The following PRH1 variants were observed in gnomAD, a reference collection of about 807,000 sequenced individuals.
PRH1 encodes the protein salivary acidic proline-rich phosphoprotein 1/2.
In PRH1, 7 loss-of-function variants were observed where a neutral mutation model predicts 7.9. That is an observed-to-expected ratio of 0.89 (90% CI 0.50 to 1.67). The LOEUF (loss-of-function observed/expected upper bound fraction) is 1.67. Ranked by LOEUF, PRH1 falls within the 40% of genes most tolerant of loss-of-function variation. The pLI, the probability that PRH1 is intolerant of heterozygous loss-of-function variation, is 0.00. For missense variants in PRH1, 109 were observed against 223.6 expected, an observed-to-expected ratio of 0.49 and a Z score of 3.27; for synonymous variants, 45 against 80.8, an observed-to-expected ratio of 0.56 and a Z score of 2.38.
chr12:10,951,277 C>A (rs1210488794), intron 2 of PRH1, among the ~76,000 whole-genome samples: 1 of 152,078 alleles, frequency 6.6e-6, no homozygotes, highest in Non-Finnish European at 1.5e-5. Flanking sequence ...TTGTGTTCAG[C>A]AACATCACTT....
intron 2 of PRH1, chr12:10,909,546 T>C (rs1949864731): frequency 2.3e-6 from 1 of 430,524 alleles, no homozygotes; most frequent in Non-Finnish European, 4.2e-6. Context: ...GATATTTATG[T>C]CTTCACCATG....
chr12:11,162,649 TCTC>T (rs1947449361), intron 1 of PRH1, among the ~76,000 whole-genome samples: 1 of 152,138 alleles, frequency 6.6e-6, no homozygotes, highest in Non-Finnish European at 1.5e-5. Context: ...AAATCCTTGT[TCTC>T]CTCTTCCTGA....
At chr12:11,028,250 T>G (rs1173591191) in intron 1 of PRH1, among the ~76,000 whole-genome samples, 1 of 152,192 alleles carries the variant, frequency 6.6e-6, no homozygotes, top group Non-Finnish European at 1.5e-5. Context: ...CAATAGGAAA[T>G]AGAAGACTAA....
At chr12:11,092,348 G>A (rs1944951592) in intron 1 of PRH1, 3 of 552,212 alleles carry the variant, frequency 5.4e-6, no homozygotes, top group Non-Finnish European at 9.6e-6. Context: ...CACGGTGAGT[G>A]TTGCTGCTCT....
At chr12:10,924,406 G>A (rs529138442) in intron 2 of PRH1, among the ~76,000 whole-genome samples, 1 of 152,222 alleles carries the variant, frequency 6.6e-6, no homozygotes, top group Non-Finnish European at 1.5e-5. Flanking sequence ...CCTGGACTTA[G>A]TGGATAGTCT....
chr12:11,015,075 G>C (rs2900577), intron 1 of PRH1, among the ~76,000 whole-genome samples: 112,932 of 152,080 alleles, frequency 0.74, 44,407 homozygotes, highest in East Asian at 0.96. Flanking sequence ...AGAGAGAAAA[G>C]GGTAGAAAAC....
intron 2 of PRH1, chr12:10,908,852 G>A: frequency 3.1e-6 from 5 of 1,613,254 alleles, no homozygotes; most frequent in Admixed American, 1.7e-5. Flanking sequence ...TTATATGCAT[G>A]TTTATTTGTA....
chr12:10,903,223 AAC>A (rs1949748271), intron 2 of PRH1, among the ~76,000 whole-genome samples: 1 of 152,152 alleles, frequency 6.6e-6, no homozygotes, highest in Non-Finnish European at 1.5e-5. Context: ...TATAAGATAA[AAC>A]AGATTTTAAA....
chr12:10,917,231 A>G (rs570344094), intron 2 of PRH1, among the ~76,000 whole-genome samples: 15 of 152,272 alleles, frequency 9.9e-5, no homozygotes, highest in African/African-American at 3.6e-4. Flanking sequence ...AGTTAATACC[A>G]CCATGAAAAT....
intron 1 of PRH1, chr12:11,046,918 C>T (rs1035298642): frequency 4.7e-5 from 20 of 426,882 alleles, no homozygotes; most frequent in African/African-American, 8.1e-5. Context: ...TGGCATCATC[C>T]GGAGATGATA....
rs1475180750 is a variant in PRH1 at position 11,123,165 on chromosome 12, A to AT, written n.40-1986dup. On this transcript the variant is annotated intron_variant and non_coding_transcript_variant, in intron 1 of 1. Transcript: ENST00000541175. ...AATCACATGGTTGCATGTACATGTG[A>AT]TTCATTTATTTTCACTTCTGTATAT... Among the ~76,000 whole-genome samples the AT allele has an allele frequency of 4.1e-5, 6 of 145,836 alleles. No homozygotes were observed. The East Asian group carries it at 9.2e-4, about 22-fold the overall frequency.
chr12:11,122,731 G>A (rs1945952702), intron 1 of PRH1, among the ~76,000 whole-genome samples: 1 of 152,236 alleles, frequency 6.6e-6, no homozygotes, highest in South Asian at 2.1e-4. Context: ...TTTCCCTTCA[G>A]TATATAATGA....
intron 1 of PRH1, among the ~76,000 whole-genome samples, chr12:11,007,149 A>T (rs1940870257): frequency 6.6e-6 from 1 of 152,076 alleles, no homozygotes; most frequent in African/African-American, 2.4e-5. Flanking sequence ...TTATTTTTTA[A>T]TGCTAGATTT....
intron 2 of PRH1, chr12:10,939,003 A>C (rs533081426): frequency 1.9e-6 from 3 of 1,613,748 alleles, no homozygotes; most frequent in East Asian, 2.2e-5. Context: ...AAAAACACAG[A>C]CACACACCAG....
chr12:11,102,336 A>T (rs78266213), intron 1 of PRH1, among the ~76,000 whole-genome samples: 32,158 of 152,182 alleles, frequency 0.21, 3,996 homozygotes, highest in Non-Finnish European at 0.27. Context: ...TGCTGGTACC[A>T]AAACAGAGAT....
intron 2 of PRH1, among the ~76,000 whole-genome samples, chr12:10,963,483 T>G (rs11054089): frequency 0.24 from 37,028 of 152,150 alleles, 4,565 homozygotes; most frequent in Non-Finnish European, 0.25. Flanking sequence ...TTTATGTGAT[T>G]TTTAAAAAGA....
At chr12:10,941,376 A>C (rs1434160589) in intron 2 of PRH1, among the ~76,000 whole-genome samples, 1 of 152,198 alleles carries the variant, frequency 6.6e-6, no homozygotes, top group Non-Finnish European at 1.5e-5. Context: ...CACTACATCC[A>C]GAAATTAGAA....
intron 2 of PRH1, among the ~76,000 whole-genome samples, chr12:10,925,427 T>C (rs750056685): frequency 3.9e-5 from 6 of 152,206 alleles, no homozygotes; most frequent in Admixed American, 6.5e-5. Context: ...GTGATGAGAA[T>C]CAACATTTTT....
At chr12:11,171,156 A>C (rs1592142934) in intron 1 of PRH1, 1 of 395,378 alleles carries the variant, frequency 2.5e-6, no homozygotes, top group African/African-American at 2.1e-5. Flanking sequence ...CCACAGTGAG[A>C]AGCAGACAGG....
Sources: allele counts gnomAD v4.1 joint callset (sites outside exome capture counted in the v4.1 genomes callset), GRCh38; gene constraint gnomAD v4.1.1; transcripts MANE v1.5; gene names NCBI Gene and HGNC (gene_info 2026-07-23, HGNC 2026-07-21).